Variants in MIA2 observed in about 807,000 individuals in gnomAD.
MIA2 encodes melanoma inhibitory activity protein 2.
MIA2 carries 127 observed loss-of-function variants against 167.8 expected under a neutral mutation model. That is an observed-to-expected ratio of 0.76 (90% CI 0.66 to 0.88). MIA2 has a LOEUF of 0.88. Among genes scored for constraint, MIA2 ranks in the 40% least tolerant of loss-of-function variants. The probability of loss-of-function intolerance (pLI) is 0.00; values close to 1 mark genes in which losing one functional copy is unlikely to be tolerated. For synonymous variants in MIA2, 552 were observed against 541.9 expected (o/e 1.02, Z -0.26); for missense variants, 1,690 against 1,624.7 (o/e 1.04, Z -0.69).
chr14:39,370,184 G>A (rs1040149141), intron 23 of MIA2: 5 of 152,362 alleles, frequency 3.3e-5, no homozygotes, highest in South Asian at 2.1e-4. Flanking sequence ...CTTACAAACC[G>A]AAGTGATCAG....
At chr14:39,364,395 G>A (rs767490306) in intron 23 of MIA2, among the ~76,000 whole-genome samples, 30 of 150,738 alleles carry the variant, frequency 2.0e-4, no homozygotes, top group Non-Finnish European at 3.5e-4. Flanking sequence ...TGGTTATTTT[G>A]TATGTCTCAT....
intron 23 of MIA2, 64 bp from the exon 24 acceptor site, chr14:39,320,864 T>G: frequency 6.4e-7 from 1 of 1,553,920 alleles, no homozygotes; most frequent in Non-Finnish European, 8.7e-7. Flanking sequence ...CGAAATGGGA[T>G]TCTAACTCTG....
At chr14:39,261,833 G>A (rs551115496) in intron 6 of MIA2, among the ~76,000 whole-genome samples, 52 of 152,138 alleles carry the variant, frequency 3.4e-4, no homozygotes, top group African/African-American at 1.2e-3. Context: ...GTGTTGATGG[G>A]GTTGTTTATT....
At chr14:39,329,143 G>A (rs2068225751) in intron 25 of MIA2, among the ~76,000 whole-genome samples, 1 of 152,052 alleles carries the variant, frequency 6.6e-6, no homozygotes, top group South Asian at 2.1e-4. Flanking sequence ...TTATTTCCTT[G>A]AGCAGTGGTT....
chr14:39,354,066 T>G (rs1355036785), downstream of MIA2, among the ~76,000 whole-genome samples: 1 of 152,226 alleles, frequency 6.6e-6, no homozygotes, highest in Non-Finnish European at 1.5e-5. Context: ...TTATAATCCT[T>G]TGGGTATATA....
chr14:39,339,161 A>G (rs988067797), intron 25 of MIA2, among the ~76,000 whole-genome samples: 3 of 152,238 alleles, frequency 2.0e-5, no homozygotes, highest in African/African-American at 7.2e-5. Context: ...CTATGAGAAT[A>G]GAATGCCTCA....
At chr14:39,348,719 C>T (rs2073925213) in intron 27 of MIA2, 24 bp from the exon 28 acceptor site, 4 of 1,611,508 alleles carry the variant, frequency 2.5e-6, no homozygotes, top group South Asian at 2.2e-5. Context: ...GTTTTAGTGA[C>T]TGCCATATGT....
At chr14:39,295,107 G>C in intron 13 of MIA2, 78 bp downstream of exon 13, 1 of 974,186 alleles carries the variant, frequency 1.0e-6, no homozygotes, top group Non-Finnish European at 1.7e-6. Flanking sequence ...ACTGACCCAT[G>C]CTAGGGACAA....
At chr14:39,267,135 C>T in intron 6 of MIA2, 2 of 1,155,544 alleles carry the variant, frequency 1.7e-6, no homozygotes, top group Non-Finnish European at 2.1e-6. Context: ...GCCTCCCCGC[C>T]TTCTCGCGGC....
At chr14:39,299,599 G>A (rs993180010) in intron 13 of MIA2, among the ~76,000 whole-genome samples, 4 of 151,964 alleles carry the variant, frequency 2.6e-5, no homozygotes, top group Admixed American at 1.3e-4. Context: ...TGCAAGTAAG[G>A]TATGATATTT....
chr14:39,288,449 A>T (rs191831847), intron 9 of MIA2, among the ~76,000 whole-genome samples: 155 of 4,358 alleles, frequency 0.036, 31 homozygotes, highest in East Asian at 0.11. Flanking sequence ...ATATATATAT[A>T]TATATATATA....
At chr14:39,322,122 G>GT (rs1415864269) in intron 24 of MIA2, among the ~76,000 whole-genome samples, 2 of 152,068 alleles carry the variant, frequency 1.3e-5, no homozygotes, top group Admixed American at 6.6e-5. Context: ...ATTTACATTA[G>GT]TATCATGATC....
rs1595681227 is a variant in MIA2 at position 39,328,470 on chromosome 14, TTA to T, written c.3655+1452_3655+1453del. Among the ~76,000 whole-genome samples the T allele has an allele frequency of 2.6e-5, 4 of 152,374 alleles. No individual in the cohort carries two copies. The East Asian group carries it at 7.7e-4, about 29-fold the overall frequency. On this transcript the variant is annotated intron_variant, in intron 25 of 28. Coordinates refer to ENST00000640607, the MANE Select transcript of MIA2 (RefSeq NM_001329214.4). ...GCTGTGCAGAAGCTCTTCAGTTTAA[TTA>T]TATCTCATGTGTCAATTTTGGCTTT...
At chr14:39,243,427 G>C (rs1260870743) in intron 3 of MIA2, among the ~76,000 whole-genome samples, 1 of 152,152 alleles carries the variant, frequency 6.6e-6, no homozygotes, top group Non-Finnish European at 1.5e-5. Context: ...GGTAAAATAG[G>C]TACTGTCAGT....
intron 2 of MIA2, among the ~76,000 whole-genome samples, chr14:39,238,294 TC>T (rs1301571157): frequency 6.6e-6 from 1 of 151,780 alleles, no homozygotes; most frequent in Non-Finnish European, 1.5e-5. Context: ...TGCCTCAGCC[TC>T]CCGAGTAGCT....
intron 6 of MIA2, among the ~76,000 whole-genome samples, chr14:39,259,698 GTTTTTTT>G (rs10556014): frequency 2.4e-4 from 28 of 115,374 alleles, no homozygotes; most frequent in Non-Finnish European, 4.1e-4. Context: ...GCCTGGCTAG[GTTTTTTT>G]TTTTTTTTTT....
chr14:39,385,715 A>C, intron 23 of MIA2: 1 of 976,554 alleles, frequency 1.0e-6, no homozygotes, highest in East Asian at 2.4e-5. Context: ...AACAGACTAT[A>C]GTCCTTCTTA....
chr14:39,372,823 T>A (rs542504755), intron 23 of MIA2, among the ~76,000 whole-genome samples: 1 of 152,192 alleles, frequency 6.6e-6, no homozygotes, highest in Non-Finnish European at 1.5e-5. Flanking sequence ...TCTGGAGTAC[T>A]TGGCAGAAAC....
chr14:39,384,919 A>G (rs1045395558), intron 23 of MIA2, among the ~76,000 whole-genome samples: 2 of 152,220 alleles, frequency 1.3e-5, no homozygotes, highest in Non-Finnish European at 2.9e-5. Flanking sequence ...ACTACCTTTT[A>G]ACTCTTAACA....
Sources: gnomAD v4.1 joint callset for allele counts (sites outside exome capture counted in the v4.1 genomes callset) on GRCh38, gnomAD v4.1.1 for gene constraint, MANE v1.5 for transcripts, NCBI Gene and HGNC (gene_info 2026-07-23, HGNC 2026-07-21) for gene names.